Variants in SLC8A1 observed in about 807,000 individuals in gnomAD.
The protein encoded by SLC8A1 is sodium/calcium exchanger 1.
SLC8A1 carries 18 observed loss-of-function variants against 68.3 expected under a neutral mutation model. That is an observed-to-expected ratio of 0.26 (90% CI 0.18 to 0.39). The LOEUF is 0.39. Ranked by LOEUF, SLC8A1 falls within the 10% of genes least tolerant of loss-of-function variation. The pLI is 1.00. For synonymous variants in SLC8A1, 475 were observed against 415.5 expected (o/e 1.14, Z -1.74); for missense variants, 985 against 1,156.7 (o/e 0.85, Z 2.15).
chr2:40,357,334 A>T (rs1482371741), intron 2 of SLC8A1, among the ~76,000 whole-genome samples: 1 of 146,164 alleles, frequency 6.8e-6, no homozygotes, highest in Non-Finnish European at 1.5e-5. Flanking sequence ...TCTACAAAAC[A>T]TTTTTTTTTT....
chr2:40,271,041 T>G (rs2065960129), intron 2 of SLC8A1, among the ~76,000 whole-genome samples: 1 of 152,196 alleles, frequency 6.6e-6, no homozygotes, highest in Non-Finnish European at 1.5e-5. Context: ...TCTCATGTAC[T>G]AAACTGCTTC....
Position 40,391,326 on chromosome 2 carries a change from C to G in SLC8A1, c.1808+37147G>C, listed in dbSNP as rs571924142. ...CTACTCAGAAAGGGAAAGTGATGTT[C>G]GTGGGACATAAAGGGATTTGAATAA... On this transcript the variant is annotated intron_variant, in intron 2 of 7. Coordinates refer to ENST00000406785, the Ensembl canonical transcript of SLC8A1. 2.6e-5 allele frequency among the ~76,000 whole-genome samples: 4 copies of G among 151,780 alleles called. No homozygotes were observed. The South Asian group carries it at 8.3e-4, about 31-fold the overall frequency.
exon 8 of SLC8A1, chr2:40,109,685 T>G (rs1268282722): frequency 1.3e-5 from 2 of 151,960 alleles, no homozygotes; most frequent in South Asian, 2.1e-4. Flanking sequence ...ATAATGGGAG[T>G]AGTCACCGAA....
chr2:40,487,131 A>G (rs1705021328), intron 1 of SLC8A1, among the ~76,000 whole-genome samples: 2 of 152,026 alleles, frequency 1.3e-5, no homozygotes, highest in African/African-American at 2.4e-5. Context: ...TCATTTTTCA[A>G]TTATTCAGTC....
chr2:40,475,029 T>C (rs1704195762), intron 1 of SLC8A1, among the ~76,000 whole-genome samples: 1 of 152,214 alleles, frequency 6.6e-6, no homozygotes, highest in Non-Finnish European at 1.5e-5. Flanking sequence ...TAAGTTTAAC[T>C]TATAAAAAAA....
intron 2 of SLC8A1, among the ~76,000 whole-genome samples, chr2:40,359,238 A>T (rs1055337222): frequency 4.6e-5 from 7 of 152,334 alleles, no homozygotes; most frequent in African/African-American, 1.7e-4. Context: ...TCTCAATTTC[A>T]TACATCGATT....
intron 2 of SLC8A1, among the ~76,000 whole-genome samples, chr2:40,234,819 A>G (rs1406252221): frequency 6.6e-6 from 1 of 152,128 alleles, no homozygotes; most frequent in Admixed American, 6.5e-5. Flanking sequence ...AGGGTTGTTG[A>G]ATTTTGTCAA....
intron 2 of SLC8A1, among the ~76,000 whole-genome samples, chr2:40,400,236 G>C (rs1001316200): frequency 2.6e-5 from 4 of 152,112 alleles, no homozygotes; most frequent in Non-Finnish European, 5.9e-5. Context: ...GGTGTCTGAG[G>C]AGTTTTGTCT....
At chr2:40,366,093 C>G (rs185857291) in intron 2 of SLC8A1, among the ~76,000 whole-genome samples, 44 of 151,988 alleles carry the variant, frequency 2.9e-4, no homozygotes, top group African/African-American at 1.1e-3. Flanking sequence ...TACCTGAAAA[C>G]TGGTGATGAA....
intron 2 of SLC8A1, among the ~76,000 whole-genome samples, chr2:40,409,822 G>A (rs1691533045): frequency 6.6e-6 from 1 of 152,126 alleles, no homozygotes. Flanking sequence ...ATTCATGTGT[G>A]GTCCCCTTGA....
intron 2 of SLC8A1, among the ~76,000 whole-genome samples, chr2:40,247,606 C>G (rs1177153353): frequency 1.3e-5 from 2 of 152,128 alleles, no homozygotes; most frequent in Non-Finnish European, 2.9e-5. Flanking sequence ...CTGTATTGGC[C>G]TATGTTCAAA....
At chr2:40,455,170 A>G (rs756197204), upstream of SLC8A1, among the ~76,000 whole-genome samples, 1 of 152,178 alleles carries the variant, frequency 6.6e-6, no homozygotes, top group East Asian at 1.9e-4. Context: ...CCTTCAGGGG[A>G]TCTGTTAGCA....
intron 2 of SLC8A1, among the ~76,000 whole-genome samples, chr2:40,405,742 G>A (rs546899265): frequency 1.3e-5 from 2 of 152,172 alleles, no homozygotes; most frequent in East Asian, 3.9e-4. Flanking sequence ...GAGCTAACAG[G>A]TGCCTTATTT....
chr2:40,494,029 A>C (rs1482970612), intron 1 of SLC8A1, among the ~76,000 whole-genome samples: 4 of 143,822 alleles, frequency 2.8e-5, no homozygotes, highest in Non-Finnish European at 6.1e-5. Flanking sequence ...TTTTTTCCTT[A>C]TCTACCTGAA....
At chr2:40,469,281 T>A (rs1056519629) in intron 1 of SLC8A1, among the ~76,000 whole-genome samples, 1 of 152,114 alleles carries the variant, frequency 6.6e-6, no homozygotes, top group African/African-American at 2.4e-5. Context: ...GGGAGGTGAT[T>A]GGATTATGGG....
intron 1 of SLC8A1, among the ~76,000 whole-genome samples, chr2:40,488,224 A>G (rs1351451208): frequency 8.2e-5 from 10 of 121,632 alleles, no homozygotes; most frequent in African/African-American, 3.1e-4. Flanking sequence ...TTCTGTAGAC[A>G]GAAAAAAAAA....
Position 40,248,461 on chromosome 2 carries a change from G to A in SLC8A1, c.1809-70606C>T, listed in dbSNP as rs939188171. ...CACCTGCAGGCACAGCGAAAAGATG[G>A]CTGTCTATGAATCAGGAAATTGTAC... On this transcript the variant is annotated intron_variant, in intron 2 of 7. Coordinates refer to ENST00000406785, the Ensembl canonical transcript of SLC8A1. 2.0e-5 allele frequency among the ~76,000 whole-genome samples: 3 copies of A among 152,092 alleles called. No individual in the cohort carries two copies. In the South Asian group the frequency reaches 6.2e-4, roughly 31 times the overall value.
At chr2:40,405,758 C>T (rs1025672495) in intron 2 of SLC8A1, among the ~76,000 whole-genome samples, 2 of 151,898 alleles carry the variant, frequency 1.3e-5, no homozygotes, top group African/African-American at 4.8e-5. Context: ...TATTTTTTTC[C>T]TTGGCTATTC....
At chr2:40,307,697 G>A (rs1345729738) in intron 2 of SLC8A1, among the ~76,000 whole-genome samples, 1 of 152,164 alleles carries the variant, frequency 6.6e-6, no homozygotes, top group Non-Finnish European at 1.5e-5. Context: ...GTTACCAGAG[G>A]TGTGTCTGGT....
Sources: allele counts gnomAD v4.1 joint callset (sites outside exome capture counted in the v4.1 genomes callset), GRCh38; gene constraint gnomAD v4.1.1; transcripts MANE v1.5; gene names NCBI Gene and HGNC (gene_info 2026-07-23, HGNC 2026-07-21).